Variants in NFIA observed in about 807,000 individuals in gnomAD.
NFIA encodes nuclear factor I A.
A neutral mutation model predicts 62.8 loss-of-function variants in NFIA; 8 were observed. That is an observed-to-expected ratio of 0.13 (90% CI 0.07 to 0.23). NFIA has a LOEUF of 0.23. Among genes scored for constraint, NFIA ranks in the 10% least tolerant of loss-of-function variants. The pLI is 1.00. For missense variants in NFIA, 410 were observed against 642.1 expected (o/e 0.64, Z 3.91); for synonymous variants, 235 against 238.1 (o/e 0.99, Z 0.12).
rs922561585 is a variant in NFIA at position 61,338,431 on chromosome 1, G to A, written c.700+5845G>A. On this transcript the variant is annotated intron_variant, in intron 4 of 10. Coordinates refer to ENST00000403491, the MANE Select transcript of NFIA (RefSeq NM_001134673.4). ...GCTGTTTTCTGCCTTAGAAATGTGC[G>A]CTCTTTCTATATTTTCACACAGGAA... Among the ~76,000 whole-genome samples, 18 of 152,300 alleles carry A rather than the reference G, an allele frequency of 1.2e-4. No homozygotes were observed. The East Asian group carries it at 1.7e-3, about 15-fold the overall frequency.
intron 7 of NFIA, among the ~76,000 whole-genome samples, chr1:61,402,276 G>T (rs1665606070): frequency 6.6e-6 from 1 of 151,912 alleles, no homozygotes. Flanking sequence ...CTAACCTCAT[G>T]ATCCGCCTGC....
At chr1:61,198,038 A>G (rs1368325032) in intron 2 of NFIA, among the ~76,000 whole-genome samples, 1 of 152,158 alleles carries the variant, frequency 6.6e-6, no homozygotes, top group African/African-American at 2.4e-5. Context: ...ACAGACATAG[A>G]TAGTCTATTC....
At position 61,458,653 on chromosome 1, in the gene NFIA, G is replaced by A. The variant is rs1387681845; in HGVS notation, c.*3333G>A. 1 of 149,712 alleles carries A rather than the reference G, an allele frequency of 6.7e-6. No homozygotes were observed. The allele number at this position is 149,712 out of a possible 1,614,324, so 9.3% of individuals were successfully genotyped here. On this transcript the variant is annotated 3_prime_UTR_variant, in exon 11 of 11. Coordinates refer to ENST00000403491, the MANE Select transcript of NFIA (RefSeq NM_001134673.4). ...TTTCTTTCTTTTTACCCCCCCTTTG[G>A]GAACTGGATTTAAGTTTAAAACTTT...
chr1:61,165,125 A>G (rs1012666501), intron 2 of NFIA, among the ~76,000 whole-genome samples: 2 of 152,172 alleles, frequency 1.3e-5, no homozygotes, highest in Non-Finnish European at 2.9e-5. Context: ...TTTAGTGGAG[A>G]AGCTAGAGAA....
intron 2 of NFIA, among the ~76,000 whole-genome samples, chr1:61,111,969 G>T (rs1045328221): frequency 6.6e-6 from 1 of 152,110 alleles, no homozygotes; most frequent in Non-Finnish European, 1.5e-5. Flanking sequence ...TACCAGTTGT[G>T]TAGATTCCCA....
intron 2 of NFIA, among the ~76,000 whole-genome samples, chr1:61,155,924 G>A (rs1245530204): frequency 6.6e-6 from 1 of 152,140 alleles, no homozygotes; most frequent in African/African-American, 2.4e-5. Flanking sequence ...ATCACCTGAG[G>A]TCAGGAGTTC....
intron 4 of NFIA, among the ~76,000 whole-genome samples, chr1:61,350,136 T>C (rs953486433): frequency 1.3e-5 from 2 of 152,198 alleles, no homozygotes; most frequent in Non-Finnish European, 2.9e-5. Context: ...CATACTTTGC[T>C]GGTCCTTCTT....
At chr1:61,080,114 G>T (rs889963545), upstream of NFIA, among the ~76,000 whole-genome samples, 6 of 152,144 alleles carry the variant, frequency 3.9e-5, no homozygotes, top group African/African-American at 1.4e-4. Flanking sequence ...TCCAGCCCTT[G>T]CCTAGAGGGC....
chr1:61,084,140 C>G (rs947279583), intron 1 of NFIA, among the ~76,000 whole-genome samples: 1 of 152,096 alleles, frequency 6.6e-6, no homozygotes, highest in East Asian at 1.9e-4. Flanking sequence ...TTCACCTCTC[C>G]CTTAAAAAAC....
At chr1:61,384,637 G>A (rs1347671429) in intron 7 of NFIA, among the ~76,000 whole-genome samples, 1 of 152,292 alleles carries the variant, frequency 6.6e-6, no homozygotes, top group East Asian at 1.9e-4. Flanking sequence ...CACTCATTGA[G>A]CATATAAACT....
intron 2 of NFIA, among the ~76,000 whole-genome samples, chr1:61,167,408 A>G (rs1274301725): frequency 6.6e-6 from 1 of 152,166 alleles, no homozygotes; most frequent in African/African-American, 2.4e-5. Context: ...AGCTATTAAA[A>G]TTTGCTATCT....
intron 7 of NFIA, among the ~76,000 whole-genome samples, chr1:61,390,209 C>T (rs936463530): frequency 1.3e-5 from 2 of 152,100 alleles, no homozygotes; most frequent in African/African-American, 2.4e-5. Context: ...AGTTTGCCTT[C>T]GCATTATGGG....
At chr1:61,383,449 C>T in intron 7 of NFIA, 84 bp downstream of exon 7, 2 of 1,546,608 alleles carry the variant, frequency 1.3e-6, no homozygotes, top group East Asian at 4.6e-5. Flanking sequence ...AATGAGGACT[C>T]CCCCTGAACA....
chr1:61,393,288 T>TCTCC (rs1283990746), intron 7 of NFIA, among the ~76,000 whole-genome samples: 4 of 66,506 alleles, frequency 6.0e-5, no homozygotes, highest in Non-Finnish European at 2.5e-5. Flanking sequence ...TCTCTCTCTC[T>TCTCC]CTCCCTCTTT....
In NFIA at chr1:61,355,837, C is replaced by T. The variant is rs143043912; in HGVS notation, c.818+3270C>T. 5.3e-3 allele frequency among the ~76,000 whole-genome samples: 811 copies of T among 152,302 alleles called. 2 individuals carry two copies. The highest frequency in any genetic ancestry group is 9.4e-3 in the African/African-American group (389 of 41,572). ...TCCTGGCTTCAAGTGATCCTCCTGCCTTGGCCTCCCAAAGTGTTGGAATTA... is the reference window on the plus strand; with the variant it reads ...TCCTGGCTTCAAGTGATCCTCCTGCTTTGGCCTCCCAAAGTGTTGGAATTA... On this transcript the variant is annotated intron_variant, in intron 5 of 10. Transcript: ENST00000403491.
chr1:61,085,838 A>G (rs1392708942), intron 1 of NFIA, among the ~76,000 whole-genome samples: 1 of 152,178 alleles, frequency 6.6e-6, no homozygotes, highest in African/African-American at 2.4e-5. Flanking sequence ...ACTAATTGAC[A>G]TAGTTGTTCT....
chr1:61,200,672 C>T (rs1303349852), intron 2 of NFIA, among the ~76,000 whole-genome samples: 1 of 152,108 alleles, frequency 6.6e-6, no homozygotes, highest in African/African-American at 2.4e-5. Context: ...CACAAGTGCT[C>T]TAGAGTTGTT....
chr1:61,200,030 A>G lies in NFIA; in HGVS notation c.560-77490A>G, dbSNP rs1395654877. On this transcript the variant is annotated intron_variant, in intron 2 of 10. Coordinates refer to ENST00000403491, the MANE Select transcript of NFIA (RefSeq NM_001134673.4). Reference sequence around the variant, plus strand: ...TATATGTATATATATATATATATATATATATATATATATATATATATATAT... The same window carrying G: ...TATATGTATATATATATATATATATGTATATATATATATATATATATATAT... Among the ~76,000 whole-genome samples, 207 of 42,848 alleles carry G rather than the reference A, an allele frequency of 4.8e-3. 3 individuals are homozygous for G. The highest frequency in any genetic ancestry group is 0.019 in the African/African-American group (175 of 9,350). The allele number at this position is 42,848 out of a possible 152,430, so 28.1% of individuals were successfully genotyped here. A position where few individuals can be genotyped will look rare whatever the true frequency, so the allele number is the denominator to read the frequency against.
intron 10 of NFIA, among the ~76,000 whole-genome samples, chr1:61,431,170 G>C (rs1042528312): frequency 2.0e-5 from 3 of 152,088 alleles, no homozygotes; most frequent in Non-Finnish European, 2.9e-5. Context: ...CATTTCAATT[G>C]CATCCCATAA....
Sources: allele counts gnomAD v4.1 joint callset (sites outside exome capture counted in the v4.1 genomes callset), GRCh38; gene constraint gnomAD v4.1.1; transcripts MANE v1.5; gene names NCBI Gene and HGNC (gene_info 2026-07-23, HGNC 2026-07-21).